Variants in DPP6 observed in about 807,000 individuals in gnomAD.
The protein encoded by DPP6 is dipeptidyl peptidase like 6, also known as A-type potassium channel modulatory protein DPP6.
Under a neutral mutation model 122.6 loss-of-function variants are expected in DPP6, and 69 were observed. That is an observed-to-expected ratio of 0.56 (90% CI 0.46 to 0.69). DPP6 has a LOEUF of 0.69. DPP6 is among the 30% of genes least tolerant of loss of function. The pLI, the probability that DPP6 is intolerant of heterozygous loss-of-function variation, is 0.00. For missense variants in DPP6, 928 were observed against 1,116.9 expected, an observed-to-expected ratio of 0.83 and a Z score of 2.41; for synonymous variants, 418 against 433.1, an observed-to-expected ratio of 0.97 and a Z score of 0.43.
At chr7:154,873,894 G>A (rs1487857659) in intron 19 of DPP6, among the ~76,000 whole-genome samples, 11 of 121,646 alleles carry the variant, frequency 9.0e-5, no homozygotes, top group South Asian at 2.8e-4. Flanking sequence ...GCACACACAC[G>A]CACCCACACA....
the DPP6 span, among the ~76,000 whole-genome samples, chr7:153,878,521 A>G: frequency 2.0e-5 from 3 of 152,184 alleles, 1 homozygote; most frequent in South Asian, 4.1e-4. Flanking sequence ...GAGTGAAAGA[A>G]GCCATTCACA....
chr7:154,640,623 G>A (rs1004920998), intron 6 of DPP6, among the ~76,000 whole-genome samples: 9 of 152,112 alleles, frequency 5.9e-5, no homozygotes, highest in South Asian at 2.1e-4. Context: ...CGTAGGCCTG[G>A]AGCTTCGTGA....
chr7:154,713,758 G>A (rs10248003), intron 7 of DPP6, among the ~76,000 whole-genome samples: 114,325 of 152,072 alleles, frequency 0.75, 45,360 homozygotes, highest in Non-Finnish European at 0.88. Context: ...GATGGGAGGG[G>A]CTGCCATGAA....
At chr7:154,150,668 G>A (rs1352958895) in intron 1 of DPP6, among the ~76,000 whole-genome samples, 2 of 152,208 alleles carry the variant, frequency 1.3e-5, no homozygotes, top group Non-Finnish European at 2.9e-5. Flanking sequence ...GTGATGTCTG[G>A]GTTCTCTCCA....
chr7:154,775,996 G>A (rs749076237), intron 10 of DPP6, among the ~76,000 whole-genome samples: 6 of 150,142 alleles, frequency 4.0e-5, no homozygotes, highest in African/African-American at 7.4e-5. Flanking sequence ...GCAACCCCCC[G>A]CCGTTCCCCA....
At chr7:153,970,551 T>C (rs971437325) in intron 1 of DPP6, among the ~76,000 whole-genome samples, 2 of 152,210 alleles carry the variant, frequency 1.3e-5, no homozygotes, top group African/African-American at 4.8e-5. Flanking sequence ...TCATACTCTA[T>C]TTAAGAAAGT....
At chr7:154,340,920 A>G (rs1809870283) in intron 1 of DPP6, among the ~76,000 whole-genome samples, 1 of 152,160 alleles carries the variant, frequency 6.6e-6, no homozygotes, top group African/African-American at 2.4e-5. Flanking sequence ...GAGTGTGCTT[A>G]CGATTTTTTG....
rs1307866397 is a variant in DPP6 at position 154,481,598 on chromosome 7, G to T, written c.457+6561G>T. On this transcript the variant is annotated intron_variant, in intron 3 of 25. Transcript: ENST00000377770. This position sits in a 1 kb window ranked among gnomAD's most constrained non-coding sequence, Gnocchi z 4.2. ...TGACTCATCATTGGCCATCTCCCCA[G>T]TTTTCTCTTAAACTTTGCCTACGTG... Among the ~76,000 whole-genome samples, 1 of 151,380 alleles carries T rather than the reference G, an allele frequency of 6.6e-6. No individual in the cohort carries two copies. Among genetic ancestry groups the T allele is most frequent in the African/African-American group, 2.4e-5 (1 of 41,118 alleles).
At chr7:154,366,607 TC>T (rs1425958089) in intron 1 of DPP6, among the ~76,000 whole-genome samples, 2 of 152,158 alleles carry the variant, frequency 1.3e-5, no homozygotes, top group African/African-American at 4.8e-5. Context: ...ATCTGAGAGT[TC>T]CCCCCAAGTG....
intron 3 of DPP6, among the ~76,000 whole-genome samples, chr7:154,509,349 T>A (rs1424554385): frequency 1.3e-5 from 2 of 152,172 alleles, no homozygotes; most frequent in Non-Finnish European, 2.9e-5. Flanking sequence ...CCAAGAAAGA[T>A]TTACAAATAG....
chr7:154,617,793 A>AGAGTC (rs1216209395), intron 5 of DPP6, among the ~76,000 whole-genome samples: 41 of 152,228 alleles, frequency 2.7e-4, no homozygotes, highest in African/African-American at 9.2e-4. Flanking sequence ...GAGAAATGCT[A>AGAGTC]GAGTCCAGGC....
chr7:153,806,300 G>C, the DPP6 span, among the ~76,000 whole-genome samples: 1 of 151,964 alleles, frequency 6.6e-6, no homozygotes, highest in Non-Finnish European at 1.5e-5. Flanking sequence ...CCTCATGGAA[G>C]TCCCCTATCC....
rs945739782 is a variant in DPP6 at position 153,892,699 on chromosome 7, G to C, written c.51+4965G>C. Among the ~76,000 whole-genome samples, 19 of 152,278 alleles carry C rather than the reference G, an allele frequency of 1.2e-4. No homozygotes were observed. In the East Asian group the frequency reaches 3.7e-3, roughly 29 times the overall value. On this transcript the variant is annotated intron_variant, in intron 1 of 25. Coordinates refer to the DPP6 transcript ENST00000404039. ...CTCTGTCTGAGGGTACTTGGTATCA[G>C]ATTGGTCACTTGGTAACAAAATGCT...
chr7:154,345,554 A>G (rs1426666802), intron 1 of DPP6, among the ~76,000 whole-genome samples: 1 of 152,086 alleles, frequency 6.6e-6, no homozygotes, highest in East Asian at 1.9e-4. Context: ...AGGTAAGCAG[A>G]TAGAGGTGGA....
chr7:154,169,177 G>A (rs762703540), intron 1 of DPP6, among the ~76,000 whole-genome samples: 6 of 152,182 alleles, frequency 3.9e-5, no homozygotes, highest in Non-Finnish European at 8.8e-5. Context: ...GTAAAAAGGA[G>A]AGAAGCTTCC....
At chr7:154,699,642 T>A (rs55814533) in intron 7 of DPP6, among the ~76,000 whole-genome samples, 1,553 of 152,286 alleles carry the variant, frequency 0.01, 34 homozygotes, top group African/African-American at 0.035. Context: ...GTGCAGAGTG[T>A]GTGACTCAGT....
At chr7:153,916,532 C>T (rs1800334704) in intron 1 of DPP6, among the ~76,000 whole-genome samples, 2 of 151,680 alleles carry the variant, frequency 1.3e-5, no homozygotes, top group Non-Finnish European at 2.9e-5. Context: ...CCTCAGCCTC[C>T]CGAGTAGGTA....
chr7:154,271,450 A>G (rs1347959941), intron 1 of DPP6, among the ~76,000 whole-genome samples: 7 of 152,258 alleles, frequency 4.6e-5, no homozygotes, highest in Non-Finnish European at 1.0e-4. Flanking sequence ...AAGGACAACC[A>G]GAACTGCAAA....
chr7:153,983,366 C>G (rs1230496002), intron 1 of DPP6, among the ~76,000 whole-genome samples: 2 of 152,218 alleles, frequency 1.3e-5, no homozygotes, highest in African/African-American at 2.4e-5. Context: ...ACCACGTACT[C>G]AAGCCTCAGT....
Sources: allele counts gnomAD v4.1 joint callset (sites outside exome capture counted in the v4.1 genomes callset), GRCh38; gene constraint gnomAD v4.1.1; non-coding constraint Gnocchi (gnomAD v3.1); transcripts MANE v1.5; gene names NCBI Gene and HGNC (gene_info 2026-07-23, HGNC 2026-07-21).